The following ARHGAP11B variants were observed in gnomAD, a reference collection of about 807,000 sequenced individuals.
ARHGAP11B encodes the protein Rho GTPase activating protein 11B.
A neutral mutation model predicts 27.6 loss-of-function variants in ARHGAP11B; 14 were observed. The observed-to-expected ratio is 0.51, with a 90% CI of 0.34 to 0.79. The LOEUF (loss-of-function observed/expected upper bound fraction) is 0.79. Ranked by LOEUF, ARHGAP11B falls within the 30% of genes least tolerant of loss-of-function variation. The pLI is 0.02. For synonymous variants in ARHGAP11B, 82 were observed against 114.1 expected (o/e 0.72, Z 1.80); for missense variants, 245 against 320.1 (o/e 0.77, Z 1.79).
intron 6 of ARHGAP11B, among the ~76,000 whole-genome samples, chr15:30,636,356 G>A (rs1264959304): frequency 6.6e-6 from 1 of 151,982 alleles, no homozygotes; most frequent in East Asian, 1.9e-4. Flanking sequence ...GGAAGAATCA[G>A]AAAGACCAAA....
exon 1 of ARHGAP11B, chr15:30,626,879 G>C: frequency 6.2e-7 from 1 of 1,613,604 alleles, no homozygotes; most frequent in South Asian, 1.1e-5. Flanking sequence ...GCCTTCTATG[G>C]TATTAAGGTG....
chr15:30,626,345 C>T lies in ARHGAP11B; in HGVS notation c.-476C>T, dbSNP rs2060205906. ...GCAGCCGGCTGGTCCGGCGGCCAGG[C>T]TAGGGCGGGGGCGAGCGCCCAGTTG... On this transcript the variant is annotated 5_prime_UTR_variant, in exon 1 of 11. Coordinates refer to ENST00000428041, the Ensembl canonical transcript of ARHGAP11B. The T allele has an allele frequency of 1.9e-5, 3 of 154,048 alleles. No individual in the cohort carries two copies. The South Asian group carries it at 5.9e-4, about 30-fold the overall frequency. 9.5% of individuals were successfully genotyped at this position (154,048 alleles called of 1,614,324 possible).
intron 2 of ARHGAP11B, among the ~76,000 whole-genome samples, chr15:30,632,427 GAAAA>G (rs1255750048): frequency 7.0e-6 from 1 of 142,196 alleles, no homozygotes; most frequent in Admixed American, 7.0e-5. Flanking sequence ...AAAACTAAAA[GAAAA>G]AAAAAAAGCA....
intron 1 of ARHGAP11B, among the ~76,000 whole-genome samples, chr15:30,628,033 A>T (rs2060220933): frequency 6.6e-6 from 1 of 151,470 alleles, no homozygotes; most frequent in Admixed American, 6.6e-5. Flanking sequence ...AAGTATATGG[A>T]AGAGTTTGTA....
chr15:30,630,659 T>C, intron 1 of ARHGAP11B, 44 bp from the exon 2 acceptor site: 1 of 1,543,268 alleles, frequency 6.5e-7, no homozygotes. Flanking sequence ...AAACTGATAT[T>C]ATGCCTAATA....
chr15:30,626,875 T>G, exon 1 of ARHGAP11B: 1 of 1,613,614 alleles, frequency 6.2e-7, no homozygotes, highest in African/African-American at 1.3e-5. Flanking sequence ...GCGGGCCTTC[T>G]ATGGTATTAA....
chr15:30,628,752 G>C (rs2060225119), intron 1 of ARHGAP11B, among the ~76,000 whole-genome samples: 1 of 152,084 alleles, frequency 6.6e-6, no homozygotes, highest in Non-Finnish European at 1.5e-5. Context: ...TAATGGGATA[G>C]TTTGTTTGAA....
At chr15:30,643,571 C>G (rs954358520) in intron 7 of ARHGAP11B, among the ~76,000 whole-genome samples, 59 of 152,184 alleles carry the variant, frequency 3.9e-4, no homozygotes, top group Non-Finnish European at 5.9e-4. Flanking sequence ...GCCACGGCAC[C>G]TGGCCTTTGT....
chr15:30,648,780 AATT>A (rs2060367920), exon 11 of ARHGAP11B: 1 of 152,038 alleles, frequency 6.6e-6, no homozygotes, highest in Non-Finnish European at 1.5e-5. Flanking sequence ...GTGGTATAAT[AATT>A]ATTCTTCGAT....
At chr15:30,638,374 A>G (rs1268142242) in intron 6 of ARHGAP11B, among the ~76,000 whole-genome samples, 1 of 151,682 alleles carries the variant, frequency 6.6e-6, no homozygotes, top group Admixed American at 6.6e-5. Context: ...TTCCATCTCT[A>G]CTGATCTTTT....
In ARHGAP11B at chr15:30,634,134, T is replaced by C. The variant is rs758015360; in HGVS notation, c.298-36T>C. The C allele has an allele frequency of 2.8e-5, 45 of 1,605,596 alleles. 1 individual carries two copies. The highest frequency in any genetic ancestry group is 3.7e-5 in the Non-Finnish European group (43 of 1,175,664). ...TCTTTATTTGCAATAAACTCTTAAG[T>C]TGCCAAAATACTCAAGATTATTATA... On this transcript the variant is annotated intron_variant, in intron 3 of 10. Transcript: ENST00000428041.
chr15:30,627,763 TC>T (rs1359026883), intron 1 of ARHGAP11B, among the ~76,000 whole-genome samples: 4 of 152,200 alleles, frequency 2.6e-5, no homozygotes, highest in African/African-American at 7.2e-5. Flanking sequence ...ATATGGTACT[TC>T]CTAGTACTTG....
At chr15:30,631,178 A>C (rs1734419399) in intron 2 of ARHGAP11B, among the ~76,000 whole-genome samples, 1 of 151,160 alleles carries the variant, frequency 6.6e-6, no homozygotes, top group Non-Finnish European at 1.5e-5. Context: ...ACATATTTTA[A>C]ATTTATAATT....
intron 2 of ARHGAP11B, among the ~76,000 whole-genome samples, chr15:30,631,493 T>C (rs975088567): frequency 6.6e-6 from 1 of 151,992 alleles, no homozygotes; most frequent in South Asian, 2.1e-4. Flanking sequence ...AGACTCCATG[T>C]ATAAAAAAAA....
intron 2 of ARHGAP11B, among the ~76,000 whole-genome samples, chr15:30,631,192 A>G (rs542364769): frequency 1.3e-5 from 2 of 151,638 alleles, no homozygotes; most frequent in East Asian, 3.9e-4. Flanking sequence ...TATAATTTGT[A>G]CTCATTCCCA....
At chr15:30,637,420 T>C (rs1406243078) in intron 6 of ARHGAP11B, among the ~76,000 whole-genome samples, 2 of 152,092 alleles carry the variant, frequency 1.3e-5, no homozygotes, top group South Asian at 2.1e-4. Context: ...ATCTCCATAG[T>C]GTTTATTGCA....
chr15:30,634,284 C>T, exon 4 of ARHGAP11B: 1 of 1,613,172 alleles, frequency 6.2e-7, no homozygotes, highest in South Asian at 1.1e-5. Context: ...AGCTGATTTG[C>T]ATGAAGCACT....
In ARHGAP11B at chr15:30,626,749, G is replaced by A. The variant is rs565414781; in HGVS notation, c.-72G>A. On this transcript the variant is annotated 5_prime_UTR_variant, in exon 1 of 11. Coordinates refer to ENST00000428041, the Ensembl canonical transcript of ARHGAP11B. ...CGGAGTTCAAATTTGAGAGCGTTTG[G>A]AAATTGGAAGACTTGGTGGCGAACG... 4.1e-4 allele frequency: 630 copies of A among 1,532,098 alleles called. 7 individuals carry two copies. The African/African-American group carries it at 7.7e-3, about 19-fold the overall frequency. The allele number at this position is 1,532,098 out of a possible 1,614,324, so 94.9% of individuals were successfully genotyped here. A position where few individuals can be genotyped will look rare whatever the true frequency, so the allele number is the denominator to read the frequency against.
Position 30,632,386 on chromosome 15 carries a change from A to G in ARHGAP11B, c.201-1104A>G, listed in dbSNP as rs1056042595. ...CAGTGAGCAGTGATCGCACCACTCC[A>G]GCCTGGGTGACAGAGCGAGACACTG... On this transcript the variant is annotated intron_variant, in intron 2 of 10. Transcript: ENST00000428041. Among the ~76,000 whole-genome samples the G allele has an allele frequency of 3.1e-4, 47 of 150,714 alleles. 1 individual carries two copies. Among genetic ancestry groups the G allele is most frequent in the Admixed American group, 2.4e-3 (36 of 15,126 alleles).
Sources: allele counts gnomAD v4.1 joint callset (sites outside exome capture counted in the v4.1 genomes callset), GRCh38; gene constraint gnomAD v4.1.1; transcripts MANE v1.5; gene names NCBI Gene and HGNC (gene_info 2026-07-23, HGNC 2026-07-21).